Variants in RGS13 observed in about 807,000 individuals in gnomAD.
The protein encoded by RGS13 is regulator of G-protein signalling 13.
In RGS13, 14 loss-of-function variants were observed where a neutral mutation model predicts 19.9. The observed-to-expected ratio is 0.70, with a 90% CI of 0.46 to 1.10. The LOEUF (loss-of-function observed/expected upper bound fraction) is 1.10. Among genes scored for constraint, RGS13 ranks in the 50% least tolerant of loss-of-function variants. The probability of loss-of-function intolerance (pLI) is 0.00; values close to 1 mark genes in which losing one functional copy is unlikely to be tolerated. For synonymous variants in RGS13, 60 were observed against 56.8 expected, an observed-to-expected ratio of 1.06 and a Z score of -0.25; for missense variants, 205 against 187.1, an observed-to-expected ratio of 1.10 and a Z score of -0.56.
intron 5 of RGS13, among the ~76,000 whole-genome samples, chr1:192,651,093 T>A (rs758827016): frequency 6.6e-6 from 1 of 151,542 alleles, no homozygotes; most frequent in African/African-American, 2.4e-5. Flanking sequence ...TACTTCCAAG[T>A]CCAGGTAACC....
At position 192,657,914 on chromosome 1, in the gene RGS13, C is replaced by T. The variant is rs1016371406; in HGVS notation, c.128-287C>T. ...GTCCTTTTCCTGGGCTCTGTGATGTCTCCTGTCCTATCTGTCCTAGACTCA... is the reference window on the plus strand; with the variant it reads ...GTCCTTTTCCTGGGCTCTGTGATGTTTCCTGTCCTATCTGTCCTAGACTCA... On this transcript the variant is annotated intron_variant, in intron 5 of 6. Coordinates refer to ENST00000391995, the MANE Select transcript of RGS13 (RefSeq NM_002927.5). Among the ~76,000 whole-genome samples, 3 of 152,092 alleles carry T rather than the reference C, an allele frequency of 2.0e-5. No individual in the cohort carries two copies. The East Asian group carries it at 5.8e-4, about 29-fold the overall frequency.
At chr1:192,639,356 A>AC (rs57223116) in intron 3 of RGS13, among the ~76,000 whole-genome samples, 71,069 of 151,352 alleles carry the variant, frequency 0.47, 16,696 homozygotes, top group South Asian at 0.51. Flanking sequence ...GGCAGCCCCA[A>AC]CCATCTGGGT....
chr1:192,660,298 T>C lies in RGS13; in HGVS notation c.*775T>C, dbSNP rs1469656783. Reference sequence around the variant, plus strand: ...CTTTCTCAAAGACAAAATAAATATATTTTCCAGTACAAATTTCAAAAGGGC... The same window carrying C: ...CTTTCTCAAAGACAAAATAAATATACTTTCCAGTACAAATTTCAAAAGGGC... On this transcript the variant is annotated 3_prime_UTR_variant, in exon 7 of 7. Transcript: ENST00000391995. 6.6e-6 allele frequency: 1 copy of C among 152,136 alleles called. No homozygotes were observed. Among genetic ancestry groups the C allele is most frequent in the Non-Finnish European group, 1.5e-5 (1 of 67,990 alleles). The allele number at this position is 152,136 out of a possible 1,614,324, so 9.4% of individuals were successfully genotyped here.
intron 4 of RGS13, chr1:192,646,828 A>G (rs1226793100): frequency 6.6e-6 from 1 of 152,134 alleles, no homozygotes; most frequent in Non-Finnish European, 1.5e-5. Flanking sequence ...AAAGGACATG[A>G]TATTGTTTCT....
At chr1:192,650,460 A>G (rs996080563) in intron 5 of RGS13, among the ~76,000 whole-genome samples, 4 of 152,120 alleles carry the variant, frequency 2.6e-5, no homozygotes, top group East Asian at 1.9e-4. Context: ...AACCAAGGAC[A>G]TTAGTCAAAT....
chr1:192,658,208 A>C lies in RGS13; in HGVS notation c.135A>C (p.Pro45=), dbSNP rs149567175. ...TTTCTCCTCTACTTTTAGATGGTCC[A>C]GTAGTCTATGCAGCATATTTAAAAA... ...FENLMATKYG[P]VVYAAYLKME... Residue 45 remains proline (P), a synonymous_variant, in exon 6 of 7, where the codon CCA becomes CCC. Transcript: ENST00000391995. 9.0e-4 allele frequency: 1,450 copies of C among 1,611,924 alleles called. 12 individuals are homozygous for C. The African/African-American group carries it at 0.017, about 19-fold the overall frequency.
intron 4 of RGS13, 68 bp downstream of exon 4, chr1:192,644,467 T>C: frequency 1.8e-6 from 2 of 1,118,024 alleles, no homozygotes; most frequent in South Asian, 1.4e-5. Context: ...AGGTACATAT[T>C]TATTAAACTG....
intron 4 of RGS13, chr1:192,645,931 C>A (rs1355633245): frequency 1.3e-5 from 2 of 152,126 alleles, no homozygotes; most frequent in African/African-American, 4.8e-5. Flanking sequence ...GATGACTCTT[C>A]ACTCGTGTTG....
rs954415469 is a variant in RGS13 at position 192,648,127 on chromosome 1, A to G, written c.127+140A>G. The G allele has an allele frequency of 2.2e-5, 11 of 489,624 alleles. No individual in the cohort carries two copies. In the Admixed American group the frequency reaches 3.8e-4, roughly 17 times the overall value. The allele number at this position is 489,624 out of a possible 1,614,324, so 30.3% of individuals were successfully genotyped here. On this transcript the variant is annotated intron_variant, in intron 5 of 6. Transcript: ENST00000391995. ...CAACTGACACAGTTAAAAAAAGAAA[A>G]CCTGAAAATAGTTTGTTATGTCAAC...
Position 192,659,740 on chromosome 1 carries a change from T to C in RGS13, c.*217T>C, listed in dbSNP as rs773172295. ...AAAATGTACAGCAAGCCTATGTAGT[T>C]CAATTAATATATAAGGAAAAGGAAG... On this transcript the variant is annotated 3_prime_UTR_variant, in exon 7 of 7. Coordinates refer to ENST00000391995, the MANE Select transcript of RGS13 (RefSeq NM_002927.5). 3.6e-5 allele frequency: 15 copies of C among 415,008 alleles called. No homozygotes were observed. The highest frequency in any genetic ancestry group is 8.3e-5 in the African/African-American group (4 of 48,430). The allele number at this position is 415,008 out of a possible 1,614,324, so 25.7% of individuals were successfully genotyped here.
intron 5 of RGS13, among the ~76,000 whole-genome samples, chr1:192,649,470 C>T (rs1265477784): frequency 6.6e-6 from 1 of 152,104 alleles, no homozygotes; most frequent in African/African-American, 2.4e-5. Context: ...TACAAAACAT[C>T]TAGCTCAATG....
chr1:192,637,683 T>C (rs905768615), intron 2 of RGS13, 23 bp downstream of exon 2: 1 of 152,062 alleles, frequency 6.6e-6, no homozygotes, highest in Non-Finnish European at 1.5e-5. Flanking sequence ...ACAATTTAAA[T>C]CAGTTCTACG....
At chr1:192,643,511 T>G (rs561582014) in intron 3 of RGS13, among the ~76,000 whole-genome samples, 22 of 152,284 alleles carry the variant, frequency 1.4e-4, no homozygotes, top group African/African-American at 5.1e-4. Flanking sequence ...TCAAAGTTAC[T>G]GTGCCCAGAG....
At chr1:192,645,036 A>G (rs1282718829) in intron 4 of RGS13, 1 of 152,246 alleles carries the variant, frequency 6.6e-6, no homozygotes, top group Non-Finnish European at 1.5e-5. Context: ...CCCTGGCATG[A>G]ATGCTCTTTC....
intron 5 of RGS13, among the ~76,000 whole-genome samples, chr1:192,648,480 A>C (rs574473621): frequency 7.6e-4 from 116 of 152,288 alleles, no homozygotes; most frequent in African/African-American, 2.6e-3. Context: ...AGATACCAGC[A>C]ATGGATGTGA....
chr1:192,653,194 A>G (rs1427537399), intron 5 of RGS13, among the ~76,000 whole-genome samples: 1 of 152,114 alleles, frequency 6.6e-6, no homozygotes, highest in East Asian at 1.9e-4. Flanking sequence ...AACACTAGCA[A>G]TGCAAAGAAA....
intron 3 of RGS13, among the ~76,000 whole-genome samples, chr1:192,642,460 T>C (rs1200416247): frequency 6.6e-6 from 1 of 151,956 alleles, no homozygotes; most frequent in Non-Finnish European, 1.5e-5. Context: ...TATCTGGGAC[T>C]ACAAGTGCAC....
At chr1:192,644,058 G>T (rs1180078193) in intron 3 of RGS13, among the ~76,000 whole-genome samples, 1 of 152,074 alleles carries the variant, frequency 6.6e-6, no homozygotes, top group Non-Finnish European at 1.5e-5. Flanking sequence ...TCAGAGATTT[G>T]GTATTTTTTG....
intron 5 of RGS13, among the ~76,000 whole-genome samples, chr1:192,654,889 A>G (rs1663407597): frequency 6.6e-6 from 1 of 152,060 alleles, no homozygotes; most frequent in Non-Finnish European, 1.5e-5. Flanking sequence ...TATGTATGAC[A>G]TAAGCCATTT....
Sources: gnomAD v4.1 joint callset for allele counts (sites outside exome capture counted in the v4.1 genomes callset) on GRCh38, gnomAD v4.1.1 for gene constraint, MANE v1.5 for transcripts, NCBI Gene and HGNC (gene_info 2026-07-23, HGNC 2026-07-21) for gene names.